The following ORC5 variants were observed in gnomAD, a reference collection of about 807,000 sequenced individuals.
ORC5 encodes origin recognition complex subunit 5.
ORC5 carries 39 observed loss-of-function variants against 58.8 expected under a neutral mutation model. That is an observed-to-expected ratio of 0.66 (90% CI 0.51 to 0.87). The LOEUF is 0.87. Among genes scored for constraint, ORC5 ranks in the 40% least tolerant of loss-of-function variants. The pLI, the probability that ORC5 is intolerant of heterozygous loss-of-function variation, is 0.00. For synonymous variants in ORC5, 218 were observed against 177.6 expected, an observed-to-expected ratio of 1.23 and a Z score of -1.81; for missense variants, 493 against 506.3, an observed-to-expected ratio of 0.97 and a Z score of 0.25.
rs892754105 is a variant in ORC5 at position 104,207,763 on chromosome 7, T to C, written c.72+70A>G. On this transcript the variant is annotated intron_variant, in intron 1 of 13. Coordinates refer to ENST00000297431, the MANE Select transcript of ORC5 (RefSeq NM_002553.4). ...CTCAATCCAAACACGAAAAAACAAATATTGGAACAGGTCGCAAGACTACCG... is the reference window on the plus strand; with the variant it reads ...CTCAATCCAAACACGAAAAAACAAACATTGGAACAGGTCGCAAGACTACCG... 2.7e-6 allele frequency: 4 copies of C among 1,464,016 alleles called. No homozygotes were observed. In the East Asian group the frequency reaches 9.1e-5, roughly 33 times the overall value. The allele number at this position is 1,464,016 out of a possible 1,614,324, so 90.7% of individuals were successfully genotyped here. A position where few individuals can be genotyped will look rare whatever the true frequency, so the allele number is the denominator to read the frequency against.
At chr7:104,132,136 G>A (rs1798521647) in intron 13 of ORC5, among the ~76,000 whole-genome samples, 1 of 152,070 alleles carries the variant, frequency 6.6e-6, no homozygotes, top group East Asian at 1.9e-4. Flanking sequence ...CACTGAAAGT[G>A]TTCTGGATAA....
At position 104,194,779 on chromosome 7, in the gene ORC5, A is replaced by C. The variant is rs535134952; in HGVS notation, c.553+364T>G. Among the ~76,000 whole-genome samples the C allele has an allele frequency of 5.3e-5, 8 of 152,278 alleles. No individual in the cohort carries two copies. In the East Asian group the frequency reaches 1.5e-3, roughly 29 times the overall value. On this transcript the variant is annotated intron_variant, in intron 5 of 13. Coordinates refer to ENST00000297431, the MANE Select transcript of ORC5 (RefSeq NM_002553.4). The stretch of plus-strand genomic sequence containing the variant: ...TATACATCTTAATGTAGTGACTAAA[A>C]AAATGAAGATACATTAGCACAAATA...
At chr7:104,186,165 T>A (rs1164456447) in intron 6 of ORC5, among the ~76,000 whole-genome samples, 5 of 151,938 alleles carry the variant, frequency 3.3e-5, no homozygotes, top group Admixed American at 2.6e-4. Flanking sequence ...CAACTGACCC[T>A]TGAACGACAT....
At chr7:104,154,491 C>T (rs1299419253) in intron 12 of ORC5, among the ~76,000 whole-genome samples, 1 of 151,920 alleles carries the variant, frequency 6.6e-6, no homozygotes, top group Non-Finnish European at 1.5e-5. Context: ...ACAGTAAATA[C>T]ATATATACAC....
At chr7:104,169,592 A>T (rs1044035135) in intron 8 of ORC5, among the ~76,000 whole-genome samples, 1 of 152,202 alleles carries the variant, frequency 6.6e-6, no homozygotes, top group African/African-American at 2.4e-5. Context: ...AAATGAGCTA[A>T]TTTACAGGGC....
rs1295885183 is a variant in ORC5, at chr7:104,138,296, T to G, written c.1150-1403A>C. On this transcript the variant is annotated intron_variant, in intron 12 of 13. Coordinates refer to ENST00000297431, the MANE Select transcript of ORC5 (RefSeq NM_002553.4). This position sits in a 1 kb window ranked among gnomAD's most constrained non-coding sequence, Gnocchi z 4.7. ...CTCAGACACATGACCGCTAAACCTT[T>G]AAAAGCTGCAAATAAAGCACATTCC... is the stretch of plus-strand genomic sequence containing the variant. Among the ~76,000 whole-genome samples the G allele has an allele frequency of 6.6e-6, 1 of 152,206 alleles. No homozygotes were observed. The highest frequency in any genetic ancestry group is 1.9e-4 in the East Asian group (1 of 5,204).
At chr7:104,203,562 T>A (rs1036671765) in intron 2 of ORC5, among the ~76,000 whole-genome samples, 2 of 152,206 alleles carry the variant, frequency 1.3e-5, no homozygotes, top group Non-Finnish European at 2.9e-5. Flanking sequence ...TTTAATTCTC[T>A]TAATCCCAAA....
chr7:104,194,920 C>T (rs1799763019), intron 5 of ORC5, among the ~76,000 whole-genome samples: 1 of 126,322 alleles, frequency 7.9e-6, no homozygotes, highest in Admixed American at 7.2e-5. Context: ...GGCAGCAAAC[C>T]TTAACAGTTT....
At chr7:104,156,666 T>A (rs149341240) in intron 12 of ORC5, among the ~76,000 whole-genome samples, 1 of 151,812 alleles carries the variant, frequency 6.6e-6, no homozygotes, top group Non-Finnish European at 1.5e-5. Flanking sequence ...CATATCACTA[T>A]AAAATAAATT....
At chr7:104,143,119 A>G (rs1798700838) in intron 12 of ORC5, among the ~76,000 whole-genome samples, 2 of 152,134 alleles carry the variant, frequency 1.3e-5, no homozygotes, top group African/African-American at 2.4e-5. Flanking sequence ...AAAATCATGC[A>G]TTGAACTCTA....
At chr7:104,135,022 G>GA (rs1798567843) in intron 13 of ORC5, among the ~76,000 whole-genome samples, 1 of 152,144 alleles carries the variant, frequency 6.6e-6, no homozygotes, top group Non-Finnish European at 1.5e-5. Flanking sequence ...GGTGGTAAAT[G>GA]AAAGTGCATG....
chr7:104,139,893 TGAGA>T (rs908453490), intron 12 of ORC5, among the ~76,000 whole-genome samples: 2 of 152,142 alleles, frequency 1.3e-5, no homozygotes, highest in South Asian at 2.1e-4. Flanking sequence ...TGATCAAAAC[TGAGA>T]GAGGTATTAA....
At chr7:104,146,670 A>G (rs1798757715) in intron 12 of ORC5, among the ~76,000 whole-genome samples, 1 of 152,226 alleles carries the variant, frequency 6.6e-6, no homozygotes, top group Admixed American at 6.5e-5. Context: ...AGAGGAAGGT[A>G]TGGTCATCAG....
chr7:104,190,831 G>A (rs562097877), intron 5 of ORC5, among the ~76,000 whole-genome samples: 9 of 151,934 alleles, frequency 5.9e-5, no homozygotes, highest in African/African-American at 2.2e-4. Flanking sequence ...TTTTGTTTAA[G>A]GTTCCCAGTA....
intron 4 of ORC5, among the ~76,000 whole-genome samples, chr7:104,195,906 T>C (rs1467326640): frequency 1.3e-5 from 2 of 152,204 alleles, no homozygotes; most frequent in African/African-American, 2.4e-5. Flanking sequence ...CATCTATTCA[T>C]CTGATAAGTA....
intron 8 of ORC5, among the ~76,000 whole-genome samples, chr7:104,180,613 AG>A (rs1255268967): frequency 3.3e-5 from 5 of 152,094 alleles, no homozygotes; most frequent in Non-Finnish European, 5.9e-5. Flanking sequence ...TGGATTTTCT[AG>A]CTAGGCCCCT....
At chr7:104,142,465 T>A (rs1221278704) in intron 12 of ORC5, among the ~76,000 whole-genome samples, 1 of 151,458 alleles carries the variant, frequency 6.6e-6, no homozygotes, top group African/African-American at 2.4e-5. Flanking sequence ...ATCTACAGAA[T>A]GGGAGAAAAA....
At chr7:104,165,527 A>T (rs1249559434) in intron 10 of ORC5, 1 of 330,790 alleles carries the variant, frequency 3.0e-6, no homozygotes, top group African/African-American at 2.2e-5. Context: ...AAATAAAATA[A>T]TGACATTTCC....
chr7:104,203,754 T>G (rs1377414014), intron 2 of ORC5, among the ~76,000 whole-genome samples: 1 of 152,194 alleles, frequency 6.6e-6, no homozygotes, highest in Non-Finnish European at 1.5e-5. Context: ...CTGAAAATAT[T>G]AAGATTTGCA....
Sources: gnomAD v4.1 joint callset for allele counts (sites outside exome capture counted in the v4.1 genomes callset) on GRCh38, gnomAD v4.1.1 for gene constraint, Gnocchi (gnomAD v3.1) non-coding constraint, MANE v1.5 for transcripts, NCBI Gene and HGNC (gene_info 2026-07-23, HGNC 2026-07-21) for gene names.